Variants in CACNA2D3 observed in about 807,000 individuals in gnomAD.
CACNA2D3 encodes voltage-dependent calcium channel subunit alpha-2/delta-3.
A neutral mutation model predicts 160.6 loss-of-function variants in CACNA2D3; 60 were observed. The ratio of observed to expected loss-of-function variants is 0.37; its 90% CI spans 0.30 to 0.46. CACNA2D3 has a LOEUF of 0.46. CACNA2D3 is among the 20% of genes least tolerant of loss of function. The pLI, the probability that CACNA2D3 is intolerant of heterozygous loss-of-function variation, is 1.00. For synonymous variants in CACNA2D3, 558 were observed against 492.9 expected, an observed-to-expected ratio of 1.13 and a Z score of -1.75; for missense variants, 1,205 against 1,365.0, an observed-to-expected ratio of 0.88 and a Z score of 1.85.
rs1474387666 is a variant in CACNA2D3, at chr3:54,569,775, T to C, written c.677-20T>C. 12 of 1,565,060 alleles carry C rather than the reference T, an allele frequency of 7.7e-6. No individual in the cohort carries two copies. The highest frequency in any genetic ancestry group is 1.8e-5 in the Admixed American group (1 of 54,072). On this transcript the variant is annotated intron_variant, in intron 6 of 37. Coordinates refer to ENST00000474759, the MANE Select transcript of CACNA2D3 (RefSeq NM_018398.3). ...ATATTTGAAGTTTCTGGGTTTCTCA[T>C]AACCCCATTTTTCTTCTAGGGATTA...
intron 4 of CACNA2D3, among the ~76,000 whole-genome samples, chr3:54,406,185 C>A (rs1699572639): frequency 6.6e-6 from 1 of 152,068 alleles, no homozygotes; most frequent in African/African-American, 2.4e-5. Flanking sequence ...CCAGAAATTG[C>A]TCTTCTGGGT....
intron 4 of CACNA2D3, among the ~76,000 whole-genome samples, chr3:54,455,132 A>G (rs1335482545): frequency 6.6e-6 from 1 of 152,118 alleles, no homozygotes; most frequent in Non-Finnish European, 1.5e-5. Flanking sequence ...GCTGGATCAT[A>G]TGATAGCTCT....
chr3:54,286,634 C>G (rs1251845750), intron 2 of CACNA2D3, among the ~76,000 whole-genome samples: 2 of 152,136 alleles, frequency 1.3e-5, no homozygotes, highest in African/African-American at 2.4e-5. Flanking sequence ...TTGTCAGATT[C>G]ACCAAAGTTG....
chr3:54,321,274 C>T (rs1199611584), intron 3 of CACNA2D3, among the ~76,000 whole-genome samples: 2 of 151,524 alleles, frequency 1.3e-5, no homozygotes, highest in Admixed American at 6.6e-5. Flanking sequence ...GAGCCAAGAT[C>T]GCGCCACTGC....
chr3:54,623,407 G>GGGT (rs1365288088), intron 9 of CACNA2D3, among the ~76,000 whole-genome samples: 5 of 152,224 alleles, frequency 3.3e-5, no homozygotes, highest in African/African-American at 4.8e-5. Flanking sequence ...GTGGCCCTTG[G>GGGT]GGTGGAATTC....
chr3:54,390,243 G>C (rs906765345), intron 4 of CACNA2D3, among the ~76,000 whole-genome samples: 1 of 152,150 alleles, frequency 6.6e-6, no homozygotes, highest in Non-Finnish European at 1.5e-5. Flanking sequence ...TCCATCTGAA[G>C]CTATTATTAT....
intron 11 of CACNA2D3, among the ~76,000 whole-genome samples, chr3:54,734,901 A>G (rs1701466591): frequency 6.6e-6 from 1 of 152,240 alleles, no homozygotes. Context: ...ATTAGCATCC[A>G]GAAAAGACTA....
At chr3:54,811,732 C>T (rs1250445017) in intron 13 of CACNA2D3, among the ~76,000 whole-genome samples, 3 of 151,974 alleles carry the variant, frequency 2.0e-5, no homozygotes, top group African/African-American at 7.2e-5. Context: ...AACTCCTGAC[C>T]TCGGGTGATC....
rs1553775459 is a variant in CACNA2D3, at chr3:54,276,588, AAAG to A, written c.205-43842_205-43840del. ...ACTCTGTCTCAAAAAAAAAAAAAAA[AAAG>A]AAGAAGAAGAAAGAGAGAGCCATTA... On this transcript the variant is annotated intron_variant, in intron 2 of 37. Transcript: ENST00000474759. 2.2e-3 allele frequency among the ~76,000 whole-genome samples: 280 copies of A among 127,790 alleles called. 5 individuals are homozygous for A. Among genetic ancestry groups the A allele is most frequent in the East Asian group, 0.01 (35 of 3,414 alleles). 83.8% of individuals were successfully genotyped at this position (127,790 alleles called of 152,430 possible).
At chr3:54,278,581 A>T (rs1217413533) in intron 2 of CACNA2D3, among the ~76,000 whole-genome samples, 1 of 152,202 alleles carries the variant, frequency 6.6e-6, no homozygotes, top group Non-Finnish European at 1.5e-5. Flanking sequence ...CTTGGAACCA[A>T]CCCAAATGTT....
Position 54,275,371 on chromosome 3 carries a change from A to AT in CACNA2D3, c.205-45065dup, listed in dbSNP as rs548055042. Among the ~76,000 whole-genome samples the AT allele has an allele frequency of 2.7e-4, 41 of 151,078 alleles. 1 individual carries two copies. The highest frequency in any genetic ancestry group is 9.6e-4 in the African/African-American group (40 of 41,496). ...ACCACTTTGACAGTCTGAAACTTAG[A>AT]TTTTTTCTTAGAAAAAAAATTCAAG... On this transcript the variant is annotated intron_variant, in intron 2 of 37. Transcript: ENST00000474759.
In CACNA2D3 at chr3:54,776,648, T is replaced by A. The variant is rs571293025; in HGVS notation, c.1380+12297T>A. 5.3e-5 allele frequency among the ~76,000 whole-genome samples: 8 copies of A among 152,338 alleles called. 1 individual carries two copies. In the South Asian group the frequency reaches 1.7e-3, roughly 32 times the overall value. ...GTTGGCATTTCTAGACCTCTGTCTT[T>A]CTGTCTGAGGTTTCTGTAACTTACA... On this transcript the variant is annotated intron_variant, in intron 13 of 37. Coordinates refer to ENST00000474759, the MANE Select transcript of CACNA2D3 (RefSeq NM_018398.3).
intron 35 of CACNA2D3, among the ~76,000 whole-genome samples, chr3:55,073,085 G>A (rs2107236602): frequency 6.6e-6 from 1 of 152,254 alleles, no homozygotes; most frequent in Admixed American, 6.5e-5. Flanking sequence ...ATGTAACTTG[G>A]GGTAATGTTT....
At chr3:54,842,904 T>G in intron 16 of CACNA2D3, among the ~76,000 whole-genome samples, 1 of 151,464 alleles carries the variant, frequency 6.6e-6, no homozygotes, top group East Asian at 2.0e-4. Context: ...CCCGACCACC[T>G]CCAGTTCTTT....
At chr3:54,302,961 AT>A in intron 2 of CACNA2D3, among the ~76,000 whole-genome samples, 1 of 152,076 alleles carries the variant, frequency 6.6e-6, no homozygotes, top group East Asian at 1.9e-4. Context: ...GTGTGGGCAC[AT>A]GACATTTTCC....
At chr3:55,038,963 T>C (rs1459160362) in intron 35 of CACNA2D3, among the ~76,000 whole-genome samples, 1 of 139,038 alleles carries the variant, frequency 7.2e-6, no homozygotes, top group East Asian at 2.2e-4. Context: ...AGCTGGGAGG[T>C]TGGGGGGATG....
chr3:54,739,296 T>A (rs1387934993), intron 11 of CACNA2D3, among the ~76,000 whole-genome samples: 1 of 151,746 alleles, frequency 6.6e-6, no homozygotes, highest in Non-Finnish European at 1.5e-5. Flanking sequence ...GGTGTGGGCA[T>A]GTAGTCCCAG....
Position 54,462,794 on chromosome 3 carries a change from G to A in CACNA2D3, c.382-40698G>A, listed in dbSNP as rs555933748. Among the ~76,000 whole-genome samples, 42 of 151,844 alleles carry A rather than the reference G, an allele frequency of 2.8e-4. No homozygotes were observed. In the Middle Eastern group the frequency reaches 0.014, roughly 49 times the overall value. ...ATTTGCATTTAAAGTTAATATTGTT[G>A]TGTTTGAATTTGATCCTGTCATTAT... On this transcript the variant is annotated intron_variant, in intron 4 of 37. Coordinates refer to ENST00000474759, the MANE Select transcript of CACNA2D3 (RefSeq NM_018398.3).
At chr3:54,388,387 T>G (rs1189911809) in intron 4 of CACNA2D3, among the ~76,000 whole-genome samples, 1 of 152,184 alleles carries the variant, frequency 6.6e-6, no homozygotes, top group East Asian at 1.9e-4. Flanking sequence ...GTTCAGTCAT[T>G]GAGCTGGGTG....
Sources: allele counts gnomAD v4.1 joint callset (sites outside exome capture counted in the v4.1 genomes callset), GRCh38; gene constraint gnomAD v4.1.1; transcripts MANE v1.5; gene names NCBI Gene and HGNC (gene_info 2026-07-23, HGNC 2026-07-21).